Variants in PPP2R2C observed in about 807,000 individuals in gnomAD.
PPP2R2C encodes the protein protein phosphatase 2 regulatory subunit Bgamma, also known as protein phosphatase 2, regulatory subunit B, gamma.
Under a neutral mutation model 45.3 loss-of-function variants are expected in PPP2R2C, and 10 were observed. The observed-to-expected ratio is 0.22, with a 90% CI of 0.14 to 0.37. The LOEUF (loss-of-function observed/expected upper bound fraction) is 0.37, where lower values mean the gene tolerates loss of function less well. Ranked by LOEUF, PPP2R2C falls within the 10% of genes least tolerant of loss-of-function variation. The pLI is 1.00. For synonymous variants in PPP2R2C, 257 were observed against 245.4 expected (o/e 1.05, Z -0.44); for missense variants, 308 against 619.7 (o/e 0.50, Z 5.34).
At chr4:6,408,796 G>C (rs1717968954) in intron 1 of PPP2R2C, among the ~76,000 whole-genome samples, 1 of 151,996 alleles carries the variant, frequency 6.6e-6, no homozygotes, top group Non-Finnish European at 1.5e-5. Flanking sequence ...AGAGAGAATG[G>C]AGCCTGGGGA....
intron 1 of PPP2R2C, among the ~76,000 whole-genome samples, chr4:6,462,232 TA>T (rs1428109104): frequency 6.6e-6 from 1 of 152,178 alleles, no homozygotes; most frequent in African/African-American, 2.4e-5. Context: ...CTGTAATCTC[TA>T]AAATAATAAT....
intron 1 of PPP2R2C, among the ~76,000 whole-genome samples, chr4:6,558,176 G>T (rs1028406276): frequency 6.6e-6 from 1 of 152,222 alleles, no homozygotes; most frequent in African/African-American, 2.4e-5. Context: ...CCGAGTGAGC[G>T]CCTGATACAC....
intron 1 of PPP2R2C, among the ~76,000 whole-genome samples, chr4:6,448,020 T>A (rs1307792723): frequency 1.3e-5 from 2 of 152,114 alleles, no homozygotes; most frequent in Non-Finnish European, 2.9e-5. Context: ...GAGCAGAGGC[T>A]CCTGGTACAC....
chr4:6,495,069 T>C (rs1213683340), intron 2 of PPP2R2C, among the ~76,000 whole-genome samples: 1 of 152,050 alleles, frequency 6.6e-6, no homozygotes, highest in Non-Finnish European at 1.5e-5. Context: ...CAACACCCCA[T>C]CCCACAGCTG....
At chr4:6,385,028 G>A (rs532471363) in intron 1 of PPP2R2C, among the ~76,000 whole-genome samples, 2 of 152,320 alleles carry the variant, frequency 1.3e-5, no homozygotes, top group East Asian at 3.9e-4. Flanking sequence ...TGGGAGGGAG[G>A]AAGAGAAGAC....
chr4:6,381,365 T>C (rs1371409974), intron 1 of PPP2R2C: 2 of 1,490,030 alleles, frequency 1.3e-6, no homozygotes, highest in Non-Finnish European at 1.8e-6. Context: ...TGGCAGACTT[T>C]ATAGTAACTG....
intron 6 of PPP2R2C, among the ~76,000 whole-genome samples, chr4:6,335,644 G>A (rs935871509): frequency 3.9e-5 from 6 of 152,002 alleles, no homozygotes; most frequent in Non-Finnish European, 7.4e-5. Flanking sequence ...GTCCCCTCCC[G>A]ACGGAGGAAG....
chr4:6,511,572 GAT>G (rs1723502930), intron 2 of PPP2R2C, among the ~76,000 whole-genome samples: 6 of 53,270 alleles, frequency 1.1e-4, no homozygotes, highest in East Asian at 6.2e-4. Flanking sequence ...TGGTGGTGGT[GAT>G]GGCGGTGGTG....
At chr4:6,526,315 A>G (rs1724208802) in intron 2 of PPP2R2C, among the ~76,000 whole-genome samples, 1 of 152,238 alleles carries the variant, frequency 6.6e-6, no homozygotes, top group African/African-American at 2.4e-5. Context: ...CTCCTGCCAG[A>G]GGCTATGCTT....
chr4:6,382,870 G>A (rs1213582050), intron 1 of PPP2R2C: 22 of 1,110,800 alleles, frequency 2.0e-5, no homozygotes, highest in Non-Finnish European at 2.3e-5. Context: ...ACCCAGGACT[G>A]ATCCTGGCAC....
At chr4:6,374,999 C>A (rs16838673) in intron 4 of PPP2R2C, among the ~76,000 whole-genome samples, 1 of 152,114 alleles carries the variant, frequency 6.6e-6, no homozygotes, top group Non-Finnish European at 1.5e-5. Flanking sequence ...AAATCTCCAA[C>A]GCTGGGAGGG....
intron 1 of PPP2R2C, among the ~76,000 whole-genome samples, chr4:6,448,016 A>T (rs1349251901): frequency 6.6e-6 from 1 of 152,196 alleles, no homozygotes; most frequent in Admixed American, 6.5e-5. Context: ...GGAGGAGCAG[A>T]GGCTCCTGGT....
At chr4:6,453,279 T>G (rs560341795) in intron 1 of PPP2R2C, among the ~76,000 whole-genome samples, 3 of 152,184 alleles carry the variant, frequency 2.0e-5, no homozygotes, top group African/African-American at 7.2e-5. Context: ...GGCCCCAGGA[T>G]GGCCAGAGTC....
chr4:6,355,384 G>C lies in PPP2R2C; in HGVS notation c.626-7374C>G, dbSNP rs551354719. Among the ~76,000 whole-genome samples, 67 of 152,212 alleles carry C rather than the reference G, an allele frequency of 4.4e-4. 1 individual carries two copies. The highest frequency in any genetic ancestry group is 1.6e-3 in the African/African-American group (67 of 41,528). On this transcript the variant is annotated intron_variant, in intron 5 of 8. Coordinates refer to ENST00000382599, the MANE Select transcript of PPP2R2C (RefSeq NM_020416.4). ...ATGTGATCTCATTGTTCAACTCCCG[G>C]GGAGGGATAGCATTGGGAGATAGAC...
At chr4:6,334,496 C>G (rs912843069) in intron 6 of PPP2R2C, among the ~76,000 whole-genome samples, 10 of 152,178 alleles carry the variant, frequency 6.6e-5, no homozygotes, top group Admixed American at 6.5e-4. Flanking sequence ...CATAACCTGG[C>G]CTTCCTGAGC....
intron 5 of PPP2R2C, 38 bp from the exon 6 acceptor site, chr4:6,348,048 C>T (rs570543627): frequency 4.1e-5 from 66 of 1,602,076 alleles, no homozygotes; most frequent in African/African-American, 6.7e-5. Flanking sequence ...CAGTGAAGGG[C>T]GCCCTCAATG....
At chr4:6,556,717 A>C (rs1725412446) in intron 1 of PPP2R2C, among the ~76,000 whole-genome samples, 1 of 114,572 alleles carries the variant, frequency 8.7e-6, no homozygotes, top group African/African-American at 3.3e-5. Context: ...GTAGATCCCT[A>C]CTCCAGGCTG....
chr4:6,409,428 A>G (rs2109364142), intron 1 of PPP2R2C, among the ~76,000 whole-genome samples: 1 of 152,282 alleles, frequency 6.6e-6, no homozygotes. Flanking sequence ...GGTGCCAGGC[A>G]CCAGGCCCAC....
chr4:6,329,579 C>A lies in PPP2R2C; in HGVS notation c.961-226G>T, dbSNP rs1370758805. On this transcript the variant is annotated intron_variant, in intron 7 of 8. Coordinates refer to ENST00000382599, the MANE Select transcript of PPP2R2C (RefSeq NM_020416.4). This position sits in a 1 kb window ranked among gnomAD's most constrained non-coding sequence, Gnocchi z 5.8. ...CACACGGCTGACCCCGACCGTGACA[C>A]AGCCCAATACAGCCCTGCTCATCTT... Among the ~76,000 whole-genome samples, 1 of 132,324 alleles carries A rather than the reference C, an allele frequency of 7.6e-6. No individual in the cohort carries two copies. The allele number at this position is 132,324 out of a possible 152,430, so 86.8% of individuals were successfully genotyped here. A position where few individuals can be genotyped will look rare whatever the true frequency, so the allele number is the denominator to read the frequency against.
Sources: allele counts gnomAD v4.1 joint callset (sites outside exome capture counted in the v4.1 genomes callset), GRCh38; gene constraint gnomAD v4.1.1; non-coding constraint Gnocchi (gnomAD v3.1); transcripts MANE v1.5; gene names NCBI Gene and HGNC (gene_info 2026-07-23, HGNC 2026-07-21).